The following CDC25C variants were observed in gnomAD, a reference collection of about 807,000 sequenced individuals.
CDC25C encodes M-phase inducer phosphatase 3.
In CDC25C, 48 loss-of-function variants were observed where a neutral mutation model predicts 52.5. The observed-to-expected ratio is 0.91, with a 90% CI of 0.72 to 1.16. The LOEUF (loss-of-function observed/expected upper bound fraction) is 1.16, where lower values mean the gene tolerates loss of function less well. Among genes scored for constraint, CDC25C ranks in the 50% most tolerant of loss-of-function variants. CDC25C has a pLI of 0.00. For synonymous variants in CDC25C, 187 were observed against 206.5 expected (o/e 0.91, Z 0.81); for missense variants, 510 against 566.1 (o/e 0.90, Z 1.01).
At chr5:138,318,409 T>G (rs1350300888) in intron 7 of CDC25C, among the ~76,000 whole-genome samples, 1 of 152,136 alleles carries the variant, frequency 6.6e-6, no homozygotes, top group South Asian at 2.1e-4. Context: ...AGGCATAAAA[T>G]GTTTATTCAA....
intron 2 of CDC25C, among the ~76,000 whole-genome samples, chr5:138,330,707 C>T (rs1760299219): frequency 6.6e-6 from 1 of 152,182 alleles, no homozygotes; most frequent in Non-Finnish European, 1.5e-5. Flanking sequence ...CGGCGTCTTG[C>T]CATGTTGCCC....
chr5:138,336,514 C>T (rs968159574), upstream of CDC25C, among the ~76,000 whole-genome samples: 4 of 152,120 alleles, frequency 2.6e-5, no homozygotes, highest in Non-Finnish European at 4.4e-5. Context: ...CAAGACGCCT[C>T]TCTCTACAAA....
At chr5:138,323,081 G>A (rs1167742174) in intron 6 of CDC25C, among the ~76,000 whole-genome samples, 1 of 151,460 alleles carries the variant, frequency 6.6e-6, no homozygotes, top group Non-Finnish European at 1.5e-5. Context: ...TCAGCCAGGT[G>A]CCACCACGCC....
chr5:138,292,480 C>CAAAAAAAAAAAAAAA (rs70982703), intron 7 of CDC25C, among the ~76,000 whole-genome samples: 2 of 63,526 alleles, frequency 3.1e-5, no homozygotes, highest in African/African-American at 6.8e-5. Flanking sequence ...GTTATGTGAC[C>CAAAAAAAAAAAAAAA]AAAAAAAAAA....
intron 7 of CDC25C, among the ~76,000 whole-genome samples, chr5:138,296,849 C>G (rs1451156209): frequency 6.6e-6 from 1 of 150,766 alleles, no homozygotes; most frequent in African/African-American, 2.4e-5. Context: ...TCGTGATCTG[C>G]CCGCCTCGGC....
chr5:138,328,674 T>C, intron 3 of CDC25C, 145 bp from the exon 4 acceptor site: 1 of 662,336 alleles, frequency 1.5e-6, no homozygotes, highest in Non-Finnish European at 2.7e-6. Context: ...TTGGTACCCA[T>C]TTCATGGTAC....
intron 7 of CDC25C, among the ~76,000 whole-genome samples, chr5:138,294,286 G>C (rs1320551704): frequency 6.6e-6 from 1 of 151,320 alleles, no homozygotes; most frequent in African/African-American, 2.4e-5. Flanking sequence ...CTACCTCCCA[G>C]GTTTCAGCAA....
intron 12 of CDC25C, 72 bp downstream of exon 12, chr5:138,286,425 G>C (rs1756235779): frequency 1.4e-6 from 2 of 1,439,392 alleles, no homozygotes; most frequent in Non-Finnish European, 1.9e-6. Flanking sequence ...GTCAGTCTCT[G>C]TCTGAACTGG....
At chr5:138,321,395 T>A (rs1046422561) in intron 6 of CDC25C, among the ~76,000 whole-genome samples, 2 of 151,954 alleles carry the variant, frequency 1.3e-5, no homozygotes, top group African/African-American at 2.4e-5. Flanking sequence ...TATAAGACTA[T>A]CCAATAATTG....
chr5:138,299,420 CA>C (rs1757468117), intron 7 of CDC25C, among the ~76,000 whole-genome samples: 1 of 145,694 alleles, frequency 6.9e-6, no homozygotes, highest in Non-Finnish European at 1.5e-5. Context: ...TGCTTGAACC[CA>C]GGGGGCAGAG....
chr5:138,335,810 C>T (rs1322885459), upstream of CDC25C, among the ~76,000 whole-genome samples: 2 of 149,440 alleles, frequency 1.3e-5, no homozygotes, highest in Admixed American at 6.6e-5. Flanking sequence ...TTTTGGGTCT[C>T]AGTTTCTTTC....
intron 6 of CDC25C, among the ~76,000 whole-genome samples, chr5:138,323,213 G>A (rs1759578656): frequency 6.6e-6 from 1 of 152,120 alleles, no homozygotes; most frequent in South Asian, 2.1e-4. Context: ...TTACAGGCAT[G>A]AGCCACCATG....
At chr5:138,301,111 T>C (rs116421806) in intron 7 of CDC25C, among the ~76,000 whole-genome samples, 1,783 of 151,878 alleles carry the variant, frequency 0.012, 16 homozygotes, top group Non-Finnish European at 0.019. Flanking sequence ...AAGATTAGAG[T>C]GCAAAATCAA....
chr5:138,318,351 T>G (rs1759067496), intron 7 of CDC25C, among the ~76,000 whole-genome samples: 4 of 151,868 alleles, frequency 2.6e-5, no homozygotes, highest in African/African-American at 9.7e-5. Flanking sequence ...TATCACATCT[T>G]GTTGATCTCT....
At chr5:138,317,497 T>C (rs954398027) in intron 7 of CDC25C, among the ~76,000 whole-genome samples, 1 of 151,646 alleles carries the variant, frequency 6.6e-6, no homozygotes, top group Non-Finnish European at 1.5e-5. Flanking sequence ...CTGGGCAATA[T>C]TGTGAAACCA....
chr5:138,292,380 G>A (rs1468346370), intron 7 of CDC25C, among the ~76,000 whole-genome samples: 7 of 148,026 alleles, frequency 4.7e-5, no homozygotes, highest in African/African-American at 1.5e-4. Flanking sequence ...CTCCATGGAC[G>A]TCTTAACTAG....
chr5:138,316,212 C>A (rs1056120367), intron 7 of CDC25C, among the ~76,000 whole-genome samples: 1 of 152,228 alleles, frequency 6.6e-6, no homozygotes, highest in Non-Finnish European at 1.5e-5. Flanking sequence ...CCCCACCACC[C>A]CCATATCCCC....
Position 138,326,054 on chromosome 5 carries a change from CCTGCAGATTAAAACAAA to C in CDC25C, c.336-17_336-1del. 1 of 1,614,180 alleles carries C rather than the reference CCTGCAGATTAAAACAAA, an allele frequency of 6.2e-7. No individual in the cohort carries two copies. On this transcript the variant is annotated splice_acceptor_variant and splice_polypyrimidine_tract_variant and intron_variant, in intron 4 of 13. Transcript: ENST00000323760. LOFTEE classifies it high-confidence loss of function. ...ATTTCATTAGGTGCTGGTCATGATT[CCTGCAGATTAAAACAAA>C]CTGCCTGTCAGGTTAGTCCCAAATA...
chr5:138,303,698 A>T (rs1316512320), intron 7 of CDC25C, among the ~76,000 whole-genome samples: 1 of 151,000 alleles, frequency 6.6e-6, no homozygotes, highest in Admixed American at 6.6e-5. Flanking sequence ...AAAAATAACA[A>T]CTCTCACCCT....
Sources: gnomAD v4.1 joint callset for allele counts (sites outside exome capture counted in the v4.1 genomes callset) on GRCh38, gnomAD v4.1.1 for gene constraint, MANE v1.5 for transcripts, NCBI Gene and HGNC (gene_info 2026-07-23, HGNC 2026-07-21) for gene names.